SENP7: variants seen among roughly 807,000 people sequenced by gnomAD.
The protein encoded by SENP7 is sentrin-specific protease 7.
SENP7 carries 64 observed loss-of-function variants against 141.2 expected under a neutral mutation model. That is an observed-to-expected ratio of 0.45 (90% CI 0.37 to 0.56). SENP7 has a LOEUF of 0.56. Ranked by LOEUF, SENP7 falls within the 20% of genes least tolerant of loss-of-function variation. SENP7 has a pLI of 0.00. For synonymous variants in SENP7, 382 were observed against 426.4 expected (o/e 0.90, Z 1.28); for missense variants, 1,025 against 1,212.2 (o/e 0.85, Z 2.29).
chr3:101,377,453 T>C (rs1337341737), intron 6 of SENP7, among the ~76,000 whole-genome samples: 1 of 152,100 alleles, frequency 6.6e-6, no homozygotes, highest in Non-Finnish European at 1.5e-5. Context: ...TGTACATAAG[T>C]CTAAGAGTTA....
chr3:101,402,767 AAAAT>A (rs1293214976), intron 5 of SENP7, among the ~76,000 whole-genome samples: 2 of 152,298 alleles, frequency 1.3e-5, no homozygotes, highest in Admixed American at 1.3e-4. Context: ...ACTCAGAAAA[AAAAT>A]AAATAAAATT....
chr3:101,505,668 A>G (rs1350061371), intron 1 of SENP7, among the ~76,000 whole-genome samples: 1 of 152,182 alleles, frequency 6.6e-6, no homozygotes, highest in East Asian at 1.9e-4. Flanking sequence ...ACCATGCTCA[A>G]GAGTACATAT....
intron 4 of SENP7, among the ~76,000 whole-genome samples, chr3:101,435,623 A>G (rs1421141544): frequency 6.6e-6 from 1 of 152,142 alleles, no homozygotes; most frequent in East Asian, 1.9e-4. Context: ...AGTCAGCAGC[A>G]TTTCTGTATG....
At chr3:101,347,144 C>T (rs1415713323) in intron 13 of SENP7, among the ~76,000 whole-genome samples, 2 of 151,774 alleles carry the variant, frequency 1.3e-5, no homozygotes, top group African/African-American at 4.8e-5. Context: ...ATCACATGAG[C>T]CCAGGAGTTT....
At chr3:101,407,380 A>G (rs2061335124) in intron 5 of SENP7, among the ~76,000 whole-genome samples, 1 of 152,238 alleles carries the variant, frequency 6.6e-6, no homozygotes, top group Non-Finnish European at 1.5e-5. Context: ...CAGGCCATCA[A>G]GACAGAAAGT....
chr3:101,454,374 T>C (rs2107849203), intron 4 of SENP7, among the ~76,000 whole-genome samples: 1 of 152,078 alleles, frequency 6.6e-6, no homozygotes, highest in Non-Finnish European at 1.5e-5. Context: ...TGGCCAAGCA[T>C]GGTGGTGCGT....
At chr3:101,338,272 A>C (rs2059240687) in intron 16 of SENP7, among the ~76,000 whole-genome samples, 1 of 152,222 alleles carries the variant, frequency 6.6e-6, no homozygotes, top group African/African-American at 2.4e-5. Flanking sequence ...TGTAGAGCCT[A>C]TAATCCAGAG....
intron 6 of SENP7, among the ~76,000 whole-genome samples, chr3:101,376,903 G>T (rs947617099): frequency 6.6e-6 from 1 of 151,952 alleles, no homozygotes; most frequent in Non-Finnish European, 1.5e-5. Context: ...AAAGAATTCA[G>T]AACTACATCC....
chr3:101,498,041 C>T (rs888834752), intron 2 of SENP7, among the ~76,000 whole-genome samples: 5 of 152,180 alleles, frequency 3.3e-5, no homozygotes, highest in Admixed American at 6.5e-5. Flanking sequence ...AAGTGATCCT[C>T]CCACCTTGGC....
chr3:101,437,519 A>T (rs976170550), intron 4 of SENP7, among the ~76,000 whole-genome samples: 37 of 152,256 alleles, frequency 2.4e-4, no homozygotes, highest in African/African-American at 5.1e-4. Flanking sequence ...CCACAAAAAA[A>T]TTTTTAAATG....
At chr3:101,412,184 C>A (rs897940251) in intron 5 of SENP7, among the ~76,000 whole-genome samples, 1 of 152,006 alleles carries the variant, frequency 6.6e-6, no homozygotes, top group African/African-American at 2.4e-5. Context: ...ATTAATAAAT[C>A]TATAATGAGC....
intron 4 of SENP7, among the ~76,000 whole-genome samples, chr3:101,436,597 C>CA (rs2062397645): frequency 1.3e-5 from 2 of 150,146 alleles, no homozygotes; most frequent in South Asian, 4.2e-4. Context: ...ATAATGTGAG[C>CA]AAAAAAATAG....
At chr3:101,328,776 T>G in intron 20 of SENP7, 87 bp from the exon 21 acceptor site, 2 of 1,044,602 alleles carry the variant, frequency 1.9e-6, no homozygotes, top group Non-Finnish European at 2.8e-6. Context: ...GTTTCAAACT[T>G]TGAAGTTAAA....
chr3:101,494,060 A>G, intron 2 of SENP7, 92 bp from the exon 3 acceptor site: 1 of 600,764 alleles, frequency 1.7e-6, no homozygotes, highest in Non-Finnish European at 2.9e-6. Context: ...CTGCATCAAT[A>G]ATTTGCTAAC....
At chr3:101,436,742 A>G (rs984056460) in intron 4 of SENP7, among the ~76,000 whole-genome samples, 4 of 152,258 alleles carry the variant, frequency 2.6e-5, no homozygotes, top group African/African-American at 9.6e-5. Context: ...ATCTCACCCC[A>G]GTTAAAATGG....
At chr3:101,380,893 T>C (rs2107495132) in intron 6 of SENP7, among the ~76,000 whole-genome samples, 1 of 152,210 alleles carries the variant, frequency 6.6e-6, no homozygotes, top group South Asian at 2.1e-4. Context: ...AAAAAGTAGG[T>C]AGATCTATTT....
chr3:101,382,575 T>G (rs2060533567), intron 6 of SENP7, among the ~76,000 whole-genome samples: 1 of 152,184 alleles, frequency 6.6e-6, no homozygotes, highest in Non-Finnish European at 1.5e-5. Context: ...AAAATCCCAA[T>G]GGGAAGTAAA....
At chr3:101,382,305 T>C (rs1040459604) in intron 6 of SENP7, among the ~76,000 whole-genome samples, 1 of 152,082 alleles carries the variant, frequency 6.6e-6, no homozygotes, top group Non-Finnish European at 1.5e-5. Flanking sequence ...GCTTTCTTAG[T>C]AGATAGGACT....
At chr3:101,390,966 G>T (rs1049974388) in intron 6 of SENP7, among the ~76,000 whole-genome samples, 1 of 151,850 alleles carries the variant, frequency 6.6e-6, no homozygotes, top group South Asian at 2.1e-4. Flanking sequence ...ACTGTACATG[G>T]AACTTAAACA....
Sources: allele counts gnomAD v4.1 joint callset (sites outside exome capture counted in the v4.1 genomes callset), GRCh38; gene constraint gnomAD v4.1.1; transcripts MANE v1.5; gene names NCBI Gene and HGNC (gene_info 2026-07-23, HGNC 2026-07-21).